Variants in SLC4A4 observed in about 807,000 individuals in gnomAD.
The protein encoded by SLC4A4 is electrogenic sodium bicarbonate cotransporter 1.
In SLC4A4, 27 loss-of-function variants were observed where a neutral mutation model predicts 111.5. The observed-to-expected ratio is 0.24, with a 90% CI of 0.18 to 0.33. SLC4A4 has a LOEUF of 0.33. Among genes scored for constraint, SLC4A4 ranks in the 10% least tolerant of loss-of-function variants. The probability of loss-of-function intolerance (pLI) is 1.00; values close to 1 mark genes in which losing one functional copy is unlikely to be tolerated. For missense variants in SLC4A4, 909 were observed against 1,315.5 expected, an observed-to-expected ratio of 0.69 and a Z score of 4.78; for synonymous variants, 443 against 463.4, an observed-to-expected ratio of 0.96 and a Z score of 0.57.
chr4:71,092,388 A>G (rs1742413588), intron 1 of SLC4A4, among the ~76,000 whole-genome samples: 1 of 152,222 alleles, frequency 6.6e-6, no homozygotes, highest in Non-Finnish European at 1.5e-5. Flanking sequence ...ATATTTTAAA[A>G]ATGAATATTG....
chr4:71,416,280 T>C (rs957896137), intron 7 of SLC4A4, among the ~76,000 whole-genome samples: 9 of 152,214 alleles, frequency 5.9e-5, no homozygotes, highest in Admixed American at 2.0e-4. Flanking sequence ...TGTCTAAAAC[T>C]GTGGACAGTA....
At chr4:71,539,297 G>A (rs1036903071) in intron 18 of SLC4A4, among the ~76,000 whole-genome samples, 1 of 151,060 alleles carries the variant, frequency 6.6e-6, no homozygotes, top group Non-Finnish European at 1.5e-5. Flanking sequence ...TTTTTTAAAT[G>A]CTATTCTTGT....
rs760561625 is a variant in SLC4A4 at position 71,357,049 on chromosome 4, C to T, written c.592C>T (p.Pro198Ser). The change falls in exon 6 of 26, where the codon CCT becomes TCT. Residue 198 changes from proline to serine, a missense_variant. Physicochemically the swap from Pro to Ser is moderately conservative, Grantham distance 74. Around this residue, in one of 7 missense-constraint regions of SLC4A4, gnomAD observed 312 missense variants for 402.0 expected, o/e 0.78. Coordinates refer to ENST00000264485, the MANE Select transcript of SLC4A4 (RefSeq NM_001098484.3). Reference sequence around the variant, plus strand: ...TCAGATTGAGACAGGCCTATTGAAACCTGAACTTAAGGATAAGGTGACCTA... The same window carrying T: ...TCAGATTGAGACAGGCCTATTGAAATCTGAACTTAAGGATAAGGTGACCTA... ...DHQIETGLLKPELKDKVTYTL... is the reference protein window; with the variant it reads ...DHQIETGLLKSELKDKVTYTL... The T allele has an allele frequency of 1.2e-6, 2 of 1,614,050 alleles. No homozygotes were observed. Among genetic ancestry groups the T allele is most frequent in the Non-Finnish European group, 1.7e-6 (2 of 1,179,972 alleles).
intron 15 of SLC4A4, among the ~76,000 whole-genome samples, chr4:71,496,783 A>G (rs1730449637): frequency 6.6e-6 from 1 of 152,070 alleles, no homozygotes; most frequent in Non-Finnish European, 1.5e-5. Context: ...AAAACTGACC[A>G]TATGTTTGAG....
chr4:71,110,574 C>T (rs1432881586), intron 2 of SLC4A4, among the ~76,000 whole-genome samples: 1 of 152,130 alleles, frequency 6.6e-6, no homozygotes, highest in Non-Finnish European at 1.5e-5. Context: ...TATGAATTAA[C>T]CTTTAGAAGT....
chr4:71,553,969 A>T (rs1183979729), intron 20 of SLC4A4, among the ~76,000 whole-genome samples: 1 of 151,924 alleles, frequency 6.6e-6, no homozygotes, highest in Non-Finnish European at 1.5e-5. Flanking sequence ...TGTTTTGTAT[A>T]TATAAATAAG....
At chr4:71,119,370 G>A (rs1743355211) in intron 2 of SLC4A4, among the ~76,000 whole-genome samples, 1 of 151,748 alleles carries the variant, frequency 6.6e-6, no homozygotes, top group African/African-American at 2.4e-5. Context: ...TGTAGTTGGG[G>A]GTTTTACAGT....
intron 3 of SLC4A4, among the ~76,000 whole-genome samples, chr4:71,292,543 T>C (rs1229143060): frequency 6.6e-6 from 1 of 152,194 alleles, no homozygotes; most frequent in Non-Finnish European, 1.5e-5. Context: ...TCCAATGCTC[T>C]ATAAAATGTA....
intron 1 of SLC4A4, among the ~76,000 whole-genome samples, chr4:71,223,566 G>A (rs1375327472): frequency 6.6e-6 from 1 of 152,142 alleles, no homozygotes; most frequent in Non-Finnish European, 1.5e-5. Flanking sequence ...AGTTCAAACA[G>A]TTCAAACTAT....
intron 1 of SLC4A4, among the ~76,000 whole-genome samples, chr4:71,226,492 G>T (rs1055902101): frequency 1.3e-5 from 2 of 152,152 alleles, no homozygotes; most frequent in Non-Finnish European, 2.9e-5. Flanking sequence ...CTACATTTGA[G>T]AGTATAGTTA....
chr4:71,143,707 A>G (rs1213572981), intron 2 of SLC4A4, among the ~76,000 whole-genome samples: 1 of 151,722 alleles, frequency 6.6e-6, no homozygotes, highest in Non-Finnish European at 1.5e-5. Flanking sequence ...CAGTGATGAT[A>G]GCATTTTACT....
chr4:71,446,134 A>T (rs949300727), intron 8 of SLC4A4, among the ~76,000 whole-genome samples: 12 of 152,074 alleles, frequency 7.9e-5, no homozygotes, highest in Middle Eastern at 3.2e-3. Flanking sequence ...ACCTTTTTAC[A>T]TTCTTCATTT....
chr4:71,390,576 T>C (rs999971259), intron 6 of SLC4A4, among the ~76,000 whole-genome samples: 13 of 152,048 alleles, frequency 8.5e-5, no homozygotes, highest in African/African-American at 4.8e-5. Context: ...TTTATGAAAA[T>C]GAGAAAGTAG....
chr4:71,237,372 C>T (rs759296868), intron 2 of SLC4A4, among the ~76,000 whole-genome samples: 76 of 152,146 alleles, frequency 5.0e-4, no homozygotes, highest in Admixed American at 3.1e-3. Flanking sequence ...TATATGAAGG[C>T]ATCACAGATA....
intron 12 of SLC4A4, among the ~76,000 whole-genome samples, chr4:71,461,664 A>G (rs1018273109): frequency 6.6e-6 from 1 of 152,030 alleles, no homozygotes; most frequent in African/African-American, 2.4e-5. Context: ...TTTTTTTAGA[A>G]TCTTGCTCCT....
At chr4:71,268,079 T>TTTG (rs1553970766) in intron 3 of SLC4A4, among the ~76,000 whole-genome samples, 1 of 145,874 alleles carries the variant, frequency 6.9e-6, no homozygotes, top group African/African-American at 2.5e-5. Context: ...AGTAGTGTTT[T>TTTG]TTTTTTTTTT....
At chr4:71,107,097 G>T (rs1742951876) in intron 2 of SLC4A4, among the ~76,000 whole-genome samples, 1 of 151,696 alleles carries the variant, frequency 6.6e-6, no homozygotes, top group African/African-American at 2.4e-5. Flanking sequence ...CAATCTGTTA[G>T]TGTCCTTGGA....
At chr4:71,561,958 T>G (rs1321098794) in intron 23 of SLC4A4, among the ~76,000 whole-genome samples, 5 of 151,776 alleles carry the variant, frequency 3.3e-5, no homozygotes, top group Non-Finnish European at 4.4e-5. Context: ...TCTGTAATGA[T>G]TTTTGAGAAA....
chr4:71,189,468 C>T (rs543330953), intron 1 of SLC4A4, among the ~76,000 whole-genome samples: 1 of 152,240 alleles, frequency 6.6e-6, no homozygotes, highest in Admixed American at 6.5e-5. Context: ...AGGAATAATG[C>T]GATAGAAATC....
Sources: gnomAD v4.1 joint callset for allele counts (sites outside exome capture counted in the v4.1 genomes callset) on GRCh38, gnomAD v4.1.1 for gene constraint, gnomAD v4.1.1 regional missense constraint, MANE v1.5 for transcripts, NCBI Gene and HGNC (gene_info 2026-07-23, HGNC 2026-07-21) for gene names.